The following CCDC6 variants were observed in gnomAD, a reference collection of about 807,000 sequenced individuals.
The protein encoded by CCDC6 is coiled-coil domain-containing protein 6.
A neutral mutation model predicts 56.6 loss-of-function variants in CCDC6; 20 were observed. That is an observed-to-expected ratio of 0.35 (90% CI 0.25 to 0.51). CCDC6 has a LOEUF of 0.51. CCDC6 is among the 20% of genes least tolerant of loss of function. The probability of loss-of-function intolerance (pLI) is 0.95; values close to 1 mark genes in which losing one functional copy is unlikely to be tolerated. For synonymous variants in CCDC6, 241 were observed against 234.4 expected, an observed-to-expected ratio of 1.03 and a Z score of -0.26; for missense variants, 367 against 601.1, an observed-to-expected ratio of 0.61 and a Z score of 4.07.
At chr10:59,793,473 C>T (rs1432027903) in intron 8 of CCDC6, among the ~76,000 whole-genome samples, 3 of 152,294 alleles carry the variant, frequency 2.0e-5, no homozygotes, top group East Asian at 1.9e-4. Flanking sequence ...CTGAAAGATA[C>T]AGCTCAACAG....
intron 1 of CCDC6, among the ~76,000 whole-genome samples, chr10:59,902,325 C>A (rs1353145381): frequency 1.3e-5 from 2 of 151,766 alleles, no homozygotes; most frequent in African/African-American, 2.4e-5. Flanking sequence ...TTACTATACA[C>A]CTATTGGAAT....
intron 1 of CCDC6, among the ~76,000 whole-genome samples, chr10:59,882,073 G>GGC (rs1564755853): frequency 1.4e-5 from 1 of 73,972 alleles, no homozygotes; most frequent in African/African-American, 4.3e-5. Flanking sequence ...GGAAAGCCGC[G>GGC]GGGAGAAGGA....
chr10:59,870,963 A>T (rs944510070), intron 1 of CCDC6, among the ~76,000 whole-genome samples: 5 of 152,160 alleles, frequency 3.3e-5, no homozygotes, highest in Non-Finnish European at 7.3e-5. Context: ...TGCCATACAC[A>T]ATTCCTGAAA....
intron 1 of CCDC6, among the ~76,000 whole-genome samples, chr10:59,863,727 C>A (rs1276432451): frequency 1.3e-5 from 2 of 152,154 alleles, no homozygotes; most frequent in African/African-American, 2.4e-5. Context: ...CTATAACATG[C>A]ACGCTTTTCA....
chr10:59,863,870 T>C (rs530760293), intron 1 of CCDC6, among the ~76,000 whole-genome samples: 1 of 152,292 alleles, frequency 6.6e-6, no homozygotes, highest in South Asian at 2.1e-4. Flanking sequence ...AACAATTCAC[T>C]GTAAAAAATG....
At position 59,791,363 on chromosome 10, in the gene CCDC6, T is replaced by C. The variant is rs2070465948; in HGVS notation, c.*1554A>G. On this transcript the variant is annotated 3_prime_UTR_variant, in exon 9 of 9. Coordinates refer to ENST00000263102, the MANE Select transcript of CCDC6 (RefSeq NM_005436.5). ...CAAACACTATTATCCAACAAGACTT[T>C]TTTTTTTCATTCTGTTAACTCTTAA... 5.0e-6 allele frequency: 1 copy of C among 198,052 alleles called. No homozygotes were observed. The highest frequency in any genetic ancestry group is 6.0e-5 in the Admixed American group (1 of 16,530). The allele number at this position is 198,052 out of a possible 1,614,324, so 12.3% of individuals were successfully genotyped here.
chr10:59,851,131 GAAAAAAAAAA>G lies in CCDC6; in HGVS notation c.453+1412_453+1421del, dbSNP rs372606692. On this transcript the variant is annotated intron_variant, in intron 2 of 8. Transcript: ENST00000263102. Reference sequence around the variant, plus strand: ...ACTCCAAAAAACAACCATGTAAATTGAAAAAAAAAAAAAAAAAAAAAAAAGGTTTCTTGCA... The same window carrying G: ...ACTCCAAAAAACAACCATGTAAATTGAAAAAAAAAAAAAAGGTTTCTTGCA... Among the ~76,000 whole-genome samples the G allele has an allele frequency of 1.9e-3, 91 of 46,760 alleles. No individual in the cohort carries two copies. In the South Asian group the frequency reaches 0.045, roughly 23 times the overall value. 30.7% of individuals were successfully genotyped at this position (46,760 alleles called of 152,430 possible).
At chr10:59,808,029 T>C (rs889266824) in intron 5 of CCDC6, among the ~76,000 whole-genome samples, 1 of 152,216 alleles carries the variant, frequency 6.6e-6, no homozygotes, top group Non-Finnish European at 1.5e-5. Context: ...TCTGTTACCC[T>C]GACTCACACA....
intron 3 of CCDC6, 92 bp downstream of exon 3, chr10:59,832,433 T>C: frequency 7.8e-7 from 1 of 1,276,098 alleles, no homozygotes; most frequent in East Asian, 2.4e-5. Flanking sequence ...GAAAACTACT[T>C]TTCACTTAAA....
At chr10:59,896,301 G>A (rs1040858209) in intron 1 of CCDC6, among the ~76,000 whole-genome samples, 1 of 152,076 alleles carries the variant, frequency 6.6e-6, no homozygotes, top group Non-Finnish European at 1.5e-5. Context: ...GTAAGATATG[G>A]GGGGATGACC....
At chr10:59,843,321 CT>C (rs2132650906) in intron 2 of CCDC6, among the ~76,000 whole-genome samples, 1 of 152,324 alleles carries the variant, frequency 6.6e-6, no homozygotes, top group African/African-American at 2.4e-5. Context: ...TTTTCTTTTT[CT>C]TCCTCAGTCA....
At chr10:59,893,105 C>T (rs1335858566) in intron 1 of CCDC6, among the ~76,000 whole-genome samples, 1 of 152,202 alleles carries the variant, frequency 6.6e-6, no homozygotes, top group Non-Finnish European at 1.5e-5. Flanking sequence ...ACACAAAATA[C>T]ATTCTGTATA....
At chr10:59,862,227 CT>C (rs1006846401) in intron 1 of CCDC6, among the ~76,000 whole-genome samples, 2 of 151,970 alleles carry the variant, frequency 1.3e-5, no homozygotes, top group African/African-American at 4.8e-5. Flanking sequence ...TGGCTCACCC[CT>C]ATAAACCCAG....
chr10:59,856,398 G>T (rs1041575998), intron 1 of CCDC6, among the ~76,000 whole-genome samples: 15 of 151,078 alleles, frequency 9.9e-5, no homozygotes, highest in African/African-American at 3.4e-4. Flanking sequence ...TATGCATAGA[G>T]TTAATTACCA....
At chr10:59,891,011 A>G (rs2071418852) in intron 1 of CCDC6, among the ~76,000 whole-genome samples, 2 of 152,294 alleles carry the variant, frequency 1.3e-5, no homozygotes, top group South Asian at 4.1e-4. Context: ...GCGATAGGGC[A>G]GACAGATTTT....
chr10:59,828,055 C>A (rs1246903089), intron 3 of CCDC6, among the ~76,000 whole-genome samples: 2 of 152,148 alleles, frequency 1.3e-5, no homozygotes, highest in African/African-American at 4.8e-5. Flanking sequence ...TAATGTGTGC[C>A]TTTTAATGCT....
chr10:59,863,367 T>G (rs1043060571), intron 1 of CCDC6, among the ~76,000 whole-genome samples: 3 of 152,256 alleles, frequency 2.0e-5, no homozygotes, highest in Non-Finnish European at 4.4e-5. Context: ...TAAATATAAC[T>G]TGGTGGATAA....
At chr10:59,833,121 T>C (rs7908517) in intron 2 of CCDC6, among the ~76,000 whole-genome samples, 80,398 of 152,056 alleles carry the variant, frequency 0.53, 22,480 homozygotes, top group African/African-American at 0.72. Flanking sequence ...AGAGACTGTA[T>C]GCCACAGTTA....
At chr10:59,875,940 T>C (rs2071274801) in intron 1 of CCDC6, among the ~76,000 whole-genome samples, 1 of 152,128 alleles carries the variant, frequency 6.6e-6, no homozygotes, top group African/African-American at 2.4e-5. Flanking sequence ...CCTGAGACTA[T>C]ATACTCCTAT....
Sources: gnomAD v4.1 joint callset for allele counts (sites outside exome capture counted in the v4.1 genomes callset) on GRCh38, gnomAD v4.1.1 for gene constraint, MANE v1.5 for transcripts, NCBI Gene and HGNC (gene_info 2026-07-23, HGNC 2026-07-21) for gene names.